Variants in IQCM observed in about 807,000 individuals in gnomAD.
IQCM encodes IQ motif containing M.
Under a neutral mutation model 57.6 loss-of-function variants are expected in IQCM, and 45 were observed. The ratio of observed to expected loss-of-function variants is 0.78; its 90% confidence interval spans 0.62 to 1.00. The LOEUF is 1.00. Ranked by LOEUF, IQCM falls within the 50% of genes least tolerant of loss-of-function variation. The probability of loss-of-function intolerance (pLI) is 0.00; values close to 1 mark genes in which losing one functional copy is unlikely to be tolerated. For synonymous variants in IQCM, 148 were observed against 158.9 expected (o/e 0.93, Z 0.51); for missense variants, 468 against 511.6 (o/e 0.91, Z 0.82).
chr4:149,519,717 G>A (rs1022855640), intron 12 of IQCM, among the ~76,000 whole-genome samples: 13 of 149,746 alleles, frequency 8.7e-5, no homozygotes, highest in African/African-American at 3.2e-4. Flanking sequence ...ACAGTATCCT[G>A]TTTTGGGCTG....
At chr4:149,440,742 G>GT (rs1368778977) in intron 12 of IQCM, among the ~76,000 whole-genome samples, 7 of 152,016 alleles carry the variant, frequency 4.6e-5, no homozygotes, top group East Asian at 1.9e-4. Context: ...CCAAATAAAT[G>GT]TTTTTTTAAA....
intron 12 of IQCM, among the ~76,000 whole-genome samples, chr4:149,488,830 A>T (rs1364712011): frequency 6.6e-6 from 1 of 152,202 alleles, no homozygotes; most frequent in South Asian, 2.1e-4. Flanking sequence ...TAGACACTTC[A>T]TCTCAAAAGG....
At chr4:149,489,413 A>G (rs1007769676) in intron 12 of IQCM, among the ~76,000 whole-genome samples, 1 of 152,070 alleles carries the variant, frequency 6.6e-6, no homozygotes, top group Non-Finnish European at 1.5e-5. Flanking sequence ...TTTATTTACC[A>G]TGGTAGGTTA....
At chr4:149,583,640 G>A (rs372841066) in intron 9 of IQCM, among the ~76,000 whole-genome samples, 7 of 151,564 alleles carry the variant, frequency 4.6e-5, no homozygotes, top group African/African-American at 7.3e-5. Flanking sequence ...TAAGGAAAAC[G>A]TAGACTTTTG....
chr4:149,399,667 G>A (rs1732478248), intron 13 of IQCM, among the ~76,000 whole-genome samples: 1 of 152,088 alleles, frequency 6.6e-6, no homozygotes, highest in Admixed American at 6.6e-5. Context: ...AGACTGTGGA[G>A]TCAGATTGTA....
intron 3 of IQCM, among the ~76,000 whole-genome samples, chr4:149,738,565 G>T (rs968918201): frequency 6.6e-6 from 1 of 152,166 alleles, no homozygotes; most frequent in Non-Finnish European, 1.5e-5. Flanking sequence ...CCAGAAAGCA[G>T]ATCTTGACAT....
At chr4:149,513,789 G>A (rs1204862127) in intron 12 of IQCM, among the ~76,000 whole-genome samples, 1 of 152,014 alleles carries the variant, frequency 6.6e-6, no homozygotes, top group Non-Finnish European at 1.5e-5. Context: ...ACTGCCAAAG[G>A]GAACATTGGT....
intron 7 of IQCM, among the ~76,000 whole-genome samples, chr4:149,675,355 C>A (rs1252699802): frequency 1.3e-5 from 2 of 151,658 alleles, no homozygotes. Flanking sequence ...CAATGAGGAG[C>A]AAGGAGGAAA....
intron 13 of IQCM, among the ~76,000 whole-genome samples, chr4:149,368,817 T>TAC (rs1553955892): frequency 2.1e-5 from 2 of 96,680 alleles, no homozygotes; most frequent in Non-Finnish European, 2.0e-5. Flanking sequence ...TGTATATATA[T>TAC]ACATATATAT....
chr4:149,660,370 T>C (rs1760068758), intron 7 of IQCM, among the ~76,000 whole-genome samples: 2 of 152,116 alleles, frequency 1.3e-5, no homozygotes. Flanking sequence ...AGGAACACTT[T>C]TACACTGTTG....
intron 12 of IQCM, among the ~76,000 whole-genome samples, chr4:149,465,803 C>T (rs750781707): frequency 2.6e-5 from 4 of 151,230 alleles, no homozygotes; most frequent in Non-Finnish European, 5.9e-5. Flanking sequence ...TGCCTCTGTG[C>T]TACTGGAATG....
chr4:149,408,889 GT>G (rs1318652017), intron 13 of IQCM, among the ~76,000 whole-genome samples: 1 of 152,100 alleles, frequency 6.6e-6, no homozygotes, highest in African/African-American at 2.4e-5. Flanking sequence ...GTCTAGACGT[GT>G]TTTTTTATGT....
At chr4:149,480,150 A>G (rs1197205739) in intron 12 of IQCM, among the ~76,000 whole-genome samples, 1 of 152,038 alleles carries the variant, frequency 6.6e-6, no homozygotes, top group African/African-American at 2.4e-5. Flanking sequence ...TGATTTACCA[A>G]TTGTGCATTT....
intron 7 of IQCM, among the ~76,000 whole-genome samples, chr4:149,631,920 A>G (rs1266332056): frequency 1.3e-5 from 2 of 152,250 alleles, no homozygotes; most frequent in Admixed American, 6.5e-5. Context: ...TACGAGTTGG[A>G]TATAAGTGAT....
At chr4:149,557,782 C>T (rs1480334498) in intron 10 of IQCM, among the ~76,000 whole-genome samples, 1 of 152,194 alleles carries the variant, frequency 6.6e-6, no homozygotes, top group Non-Finnish European at 1.5e-5. Context: ...AATCCACCCC[C>T]TCCAATCTCC....
At chr4:149,763,163 G>A (rs938824941) in intron 2 of IQCM, among the ~76,000 whole-genome samples, 16 of 151,838 alleles carry the variant, frequency 1.1e-4, no homozygotes, top group South Asian at 2.1e-4. Flanking sequence ...CATCACGGTC[G>A]TCACCAGGAA....
chr4:149,497,442 A>G (rs926939047), intron 12 of IQCM, among the ~76,000 whole-genome samples: 4 of 152,104 alleles, frequency 2.6e-5, no homozygotes, highest in African/African-American at 4.8e-5. Context: ...GAACGTGGCT[A>G]GGTAGGCCTC....
intron 12 of IQCM, among the ~76,000 whole-genome samples, chr4:149,496,920 A>G (rs755312515): frequency 1.3e-5 from 2 of 152,172 alleles, no homozygotes; most frequent in Non-Finnish European, 2.9e-5. Context: ...AAAATAAGAC[A>G]AGGTATTTGC....
At chr4:149,398,178 T>A (rs917550364) in intron 13 of IQCM, among the ~76,000 whole-genome samples, 1 of 152,124 alleles carries the variant, frequency 6.6e-6, no homozygotes, top group South Asian at 2.1e-4. Flanking sequence ...TTATTGAAGA[T>A]TAGTTGACCA....
Sources: allele counts gnomAD v4.1 joint callset (sites outside exome capture counted in the v4.1 genomes callset), GRCh38; gene constraint gnomAD v4.1.1; transcripts MANE v1.5; gene names NCBI Gene and HGNC (gene_info 2026-07-23, HGNC 2026-07-21).